Variants in ADAMTS13 observed in about 807,000 individuals in gnomAD.
ADAMTS13 encodes the protein A disintegrin and metalloproteinase with thrombospondin motifs 13.
In ADAMTS13, 110 loss-of-function variants were observed where a neutral mutation model predicts 155.1. The ratio of observed to expected loss-of-function variants is 0.71; its 90% CI spans 0.61 to 0.83. ADAMTS13 has a LOEUF of 0.83. Ranked by LOEUF, ADAMTS13 falls within the 40% of genes least tolerant of loss-of-function variation. The probability of loss-of-function intolerance (pLI) is 0.00; values close to 1 mark genes in which losing one functional copy is unlikely to be tolerated. For missense variants in ADAMTS13, 1,707 were observed against 1,891.7 expected (o/e 0.90, Z 1.81); for synonymous variants, 758 against 756.4 (o/e 1.00, Z -0.03).
Position 133,456,173 on chromosome 9 carries a change from G to A in ADAMTS13, c.3505G>A (p.Val1169Met). 6.2e-7 allele frequency: 1 copy of A among 1,613,594 alleles called. No homozygotes were observed. Among genetic ancestry groups the A allele is most frequent in the South Asian group, 1.1e-5 (1 of 91,090 alleles). Residue 1169 changes from valine to methionine, a missense_variant, in exon 26 of 29, where the codon GTG becomes ATG. This residue lies in a region of ADAMTS13 where 961 missense variants were observed against 1,107.9 expected (regional missense o/e 0.87). Coordinates refer to ENST00000355699, the MANE Select transcript of ADAMTS13 (RefSeq NM_139027.6). This position sits in a 1 kb window ranked among gnomAD's most constrained non-coding sequence, Gnocchi z 4.4. ...VAIGRPLGEVVTLRVLESSLN... is the reference protein window; with the variant it reads ...VAIGRPLGEVMTLRVLESSLN... ...CATTGGGCGGCCCCTCGGGGAGGTG[G>A]TGACCCTCCGCGTCCTTGAGAGTTC...
chr9:133,445,789 G>A lies in ADAMTS13; in HGVS notation c.2701G>A (p.Ala901Thr). 2 of 1,595,994 alleles carry A rather than the reference G, an allele frequency of 1.3e-6. No individual in the cohort carries two copies. The highest frequency in any genetic ancestry group is 1.7e-6 in the Non-Finnish European group (2 of 1,166,726). The change falls in exon 21 of 29, where the codon GCA (alanine) becomes ACA (threonine). Residue 901 changes from alanine to threonine, a missense_variant. Physicochemically the swap from Ala to Thr is moderately conservative, Grantham distance 58. Around this residue, in one of 3 missense-constraint regions of ADAMTS13, gnomAD observed 961 missense variants for 1,107.9 expected, o/e 0.87. Coordinates refer to ENST00000355699, the MANE Select transcript of ADAMTS13 (RefSeq NM_139027.6). This position sits in a 1 kb window ranked among gnomAD's most constrained non-coding sequence, Gnocchi z 5.0. ...AGCTGCACACGTGTGGACCCCTGCG[G>A]CAGGGTCGTGCTCCGTCTCCTGCGG... ...AQAAHVWTPA[A>T]GSCSVSCGRG...
intron 23 of ADAMTS13, among the ~76,000 whole-genome samples, chr9:133,454,125 T>C (rs1246992742): frequency 2.0e-5 from 3 of 152,060 alleles, no homozygotes; most frequent in East Asian, 3.9e-4. Flanking sequence ...CTTGGGTCCA[T>C]AGGCAACCCC....
upstream of ADAMTS13, chr9:133,417,602 G>A (rs1554781913): frequency 6.2e-7 from 1 of 1,610,522 alleles, no homozygotes; most frequent in Non-Finnish European, 8.5e-7. Flanking sequence ...GCTCCGCCCG[G>A]GCCCCCTCAA....
At chr9:133,426,934 G>T (rs369732657) in intron 6 of ADAMTS13, among the ~76,000 whole-genome samples, 1 of 152,000 alleles carries the variant, frequency 6.6e-6, no homozygotes, top group African/African-American at 2.4e-5. Context: ...CTCCCAAGTA[G>T]CTGGGATTAC....
chr9:133,456,959 C>T lies in ADAMTS13; in HGVS notation c.3724+240C>T, dbSNP rs1554796274. On this transcript the variant is annotated intron_variant, in intron 27 of 28. Transcript: ENST00000355699. This position sits in a 1 kb window ranked among gnomAD's most constrained non-coding sequence, Gnocchi z 4.4. The stretch of plus-strand genomic sequence containing the variant: ...TGCAGCAAGATGGACGGATGTGGGA[C>T]ATGGTCCACATCCTCAGTCAGTCCC... 9.2e-6 allele frequency: 6 copies of T among 653,398 alleles called. No homozygotes were observed. The Admixed American group carries it at 1.0e-4, about 11-fold the overall frequency. 40.5% of individuals were successfully genotyped at this position (653,398 alleles called of 1,614,324 possible).
Position 133,445,319 on chromosome 9 carries a change from G to A in ADAMTS13, c.2610+267G>A, listed in dbSNP as rs1168239055. 6.6e-6 allele frequency among the ~76,000 whole-genome samples: 1 copy of A among 152,212 alleles called. No individual in the cohort carries two copies. The highest frequency in any genetic ancestry group is 2.4e-5 in the African/African-American group (1 of 41,450). ...TGCAGCTGCTGTGCAGAGAAATGCT[G>A]CCAGGCTCCCGCCTGGCGTCCAGGG... On this transcript the variant is annotated intron_variant, in intron 20 of 28. Transcript: ENST00000355699. The surrounding 1 kb of genome is among the most constrained non-coding windows in gnomAD (Gnocchi z 5.0).
At chr9:133,417,795 A>C, upstream of ADAMTS13, 5 of 1,608,744 alleles carry the variant, frequency 3.1e-6, no homozygotes, top group Non-Finnish European at 4.2e-6. Flanking sequence ...CGGCTTAGCC[A>C]CGGGGCTGCT....
intron 14 of ADAMTS13, 105 bp downstream of exon 14, chr9:133,438,471 A>G (rs1588175044): frequency 6.6e-7 from 1 of 1,525,282 alleles, no homozygotes. Context: ...GGGCCTGCAC[A>G]CTCACTCAGC....
rs1554785183 is a variant in ADAMTS13, at chr9:133,426,097, G to A, written c.539+35G>A. On this transcript the variant is annotated intron_variant, in intron 5 of 28. Coordinates refer to ENST00000355699, the MANE Select transcript of ADAMTS13 (RefSeq NM_139027.6). ...CTTTCTGATGGGTGCTGGCCAGCCA[G>A]CCTGGGAAGGCTGCTCCCTCAGCCT... is the stretch of plus-strand genomic sequence containing the variant. 5.6e-6 allele frequency: 9 copies of A among 1,613,944 alleles called. No homozygotes were observed. In the Admixed American group the frequency reaches 1.0e-4, roughly 18 times the overall value.
intron 11 of ADAMTS13, 52 bp from the exon 12 acceptor site, chr9:133,436,777 C>CTGGGGGGGG: frequency 1.9e-6 from 1 of 527,460 alleles, no homozygotes; most frequent in Non-Finnish European, 3.5e-6. Context: ...CCAGTGACAA[C>CTGGGGGGGG]ACCCGCCCCC....
chr9:133,453,518 C>T (rs1444368064), intron 23 of ADAMTS13, among the ~76,000 whole-genome samples: 1 of 151,278 alleles, frequency 6.6e-6, no homozygotes, highest in Non-Finnish European at 1.5e-5. Flanking sequence ...AAAAATTAGC[C>T]AGGCATGATG....
chr9:133,456,410 G>A lies in ADAMTS13; in HGVS notation c.3548-133G>A. On this transcript the variant is annotated intron_variant, in intron 26 of 28. Coordinates refer to ENST00000355699, the MANE Select transcript of ADAMTS13 (RefSeq NM_139027.6). This position sits in a 1 kb window ranked among gnomAD's most constrained non-coding sequence, Gnocchi z 4.4. Reference sequence around the variant, plus strand: ...GAGGCTAGGAGAGATTAAGTGATGTGCCCAGTTACTTAGAGTCACATAGCC... The same window carrying A: ...GAGGCTAGGAGAGATTAAGTGATGTACCCAGTTACTTAGAGTCACATAGCC... 2 of 1,382,452 alleles carry A rather than the reference G, an allele frequency of 1.4e-6. No homozygotes were observed. The highest frequency in any genetic ancestry group is 2.0e-6 in the Non-Finnish European group (2 of 1,005,138). The allele number at this position is 1,382,452 out of a possible 1,614,324, so 85.6% of individuals were successfully genotyped here. A position where few individuals can be genotyped will look rare whatever the true frequency, so the allele number is the denominator to read the frequency against.
At chr9:133,444,273 A>G (rs1434974671) in intron 19 of ADAMTS13, among the ~76,000 whole-genome samples, 6 of 151,974 alleles carry the variant, frequency 3.9e-5, no homozygotes, top group Non-Finnish European at 8.8e-5. Flanking sequence ...GTTTCTCTGC[A>G]CCTGCTATGG....
chr9:133,427,524 G>A (rs1385080585), intron 6 of ADAMTS13, among the ~76,000 whole-genome samples: 1 of 152,280 alleles, frequency 6.6e-6, no homozygotes, highest in African/African-American at 2.4e-5. Context: ...ACAAGGCAGG[G>A]CTCCTTCTCC....
At chr9:133,457,045 T>G (rs916085328) in intron 27 of ADAMTS13, 2 of 442,960 alleles carry the variant, frequency 4.5e-6, no homozygotes. Flanking sequence ...TCAAGGGCTT[T>G]TAGGGTTTTG....
intron 11 of ADAMTS13, among the ~76,000 whole-genome samples, chr9:133,434,770 T>C (rs1341176656): frequency 6.6e-6 from 1 of 152,124 alleles, no homozygotes; most frequent in Non-Finnish European, 1.5e-5. Flanking sequence ...GTGAACCCCA[T>C]ATGGTAGGCT....
At chr9:133,427,886 G>C (rs1256821097) in intron 6 of ADAMTS13, among the ~76,000 whole-genome samples, 3 of 152,206 alleles carry the variant, frequency 2.0e-5, no homozygotes, top group Admixed American at 2.0e-4. Flanking sequence ...TAACTTCTAG[G>C]TTTTCGTCAT....
At position 133,456,444 on chromosome 9, in the gene ADAMTS13, G is replaced by C; in HGVS notation, c.3548-99G>C. On this transcript the variant is annotated intron_variant, in intron 26 of 28. Coordinates refer to ENST00000355699, the MANE Select transcript of ADAMTS13 (RefSeq NM_139027.6). The surrounding 1 kb of genome is among the most constrained non-coding windows in gnomAD (Gnocchi z 4.4). ...CTTAGAGTCACATAGCCAGCAGTGG[G>C]AGAGGTGGGACTTGAACTCGGCTCA... 2 of 1,479,062 alleles carry C rather than the reference G, an allele frequency of 1.4e-6. No homozygotes were observed. The highest frequency in any genetic ancestry group is 1.8e-6 in the Non-Finnish European group (2 of 1,082,676). 91.6% of individuals were successfully genotyped at this position (1,479,062 alleles called of 1,614,324 possible). A position where few individuals can be genotyped will look rare whatever the true frequency, so the allele number is the denominator to read the frequency against.
At position 133,425,930 on chromosome 9, in the gene ADAMTS13, G is replaced by A. The variant is rs2130784697; in HGVS notation, c.415-8G>A. 1.9e-6 allele frequency: 3 copies of A among 1,613,324 alleles called. No individual in the cohort carries two copies. The highest frequency in any genetic ancestry group is 2.5e-6 in the Non-Finnish European group (3 of 1,180,012). ...GTCCTAAATGCAGGCTTTGCTGTGG[G>A]TCCGCAGGGTGCTCCAAATATCACA... On this transcript the variant is annotated splice_polypyrimidine_tract_variant and splice_region_variant and intron_variant, in intron 4 of 28. Coordinates refer to ENST00000355699, the MANE Select transcript of ADAMTS13 (RefSeq NM_139027.6). This position sits in a 1 kb window ranked among gnomAD's most constrained non-coding sequence, Gnocchi z 4.6.
Sources: gnomAD v4.1 joint callset for allele counts (sites outside exome capture counted in the v4.1 genomes callset) on GRCh38, gnomAD v4.1.1 for gene constraint, gnomAD v4.1.1 regional missense constraint, Gnocchi (gnomAD v3.1) non-coding constraint, MANE v1.5 for transcripts, NCBI Gene and HGNC (gene_info 2026-07-23, HGNC 2026-07-21) for gene names.